Variants in GPC5 observed in about 807,000 individuals in gnomAD.
GPC5 encodes glypican-5.
GPC5 carries 47 observed loss-of-function variants against 53.9 expected under a neutral mutation model. That is an observed-to-expected ratio of 0.87 (90% CI 0.69 to 1.11). The LOEUF (loss-of-function observed/expected upper bound fraction) is 1.11. Ranked by LOEUF, GPC5 falls within the 50% of genes most tolerant of loss-of-function variation. GPC5 has a pLI of 0.00. For missense variants in GPC5, 748 were observed against 713.1 expected (o/e 1.05, Z -0.56); for synonymous variants, 286 against 263.3 (o/e 1.09, Z -0.84).
At chr13:91,508,980 T>C (rs1446482030) in intron 2 of GPC5, among the ~76,000 whole-genome samples, 1 of 152,136 alleles carries the variant, frequency 6.6e-6, no homozygotes, top group African/African-American at 2.4e-5. Flanking sequence ...TCCCATACTA[T>C]AATCCATAAG....
intron 7 of GPC5, among the ~76,000 whole-genome samples, chr13:92,243,680 G>A (rs183461923): frequency 3.9e-5 from 5 of 129,376 alleles, no homozygotes; most frequent in Non-Finnish European, 5.0e-5. Flanking sequence ...ATATTTTATA[G>A]AAATATTTTC....
Position 92,163,228 on chromosome 13 carries a change from G to A in GPC5, c.1561+18239G>A, listed in dbSNP as rs187648061. Among the ~76,000 whole-genome samples, 44 of 152,164 alleles carry A rather than the reference G, an allele frequency of 2.9e-4. No homozygotes were observed. The East Asian group carries it at 6.2e-3, about 21-fold the overall frequency. On this transcript the variant is annotated intron_variant, in intron 7 of 7. Coordinates refer to ENST00000377067, the MANE Select transcript of GPC5 (RefSeq NM_004466.6). The stretch of plus-strand genomic sequence containing the variant: ...TGTAATCCCAGCACTTGAGGAGTCC[G>A]AGGTGGGCGGATCACCTGAGGTCAG...
intron 5 of GPC5, among the ~76,000 whole-genome samples, chr13:91,819,000 AAAC>A (rs2038445217): frequency 6.6e-6 from 1 of 152,094 alleles, no homozygotes; most frequent in African/African-American, 2.4e-5. Context: ...AACATCATGT[AAAC>A]AACATCAAGT....
At chr13:91,463,126 T>C (rs1169104788) in intron 2 of GPC5, among the ~76,000 whole-genome samples, 14 of 152,046 alleles carry the variant, frequency 9.2e-5, no homozygotes. Flanking sequence ...AGGCCCCCCA[T>C]ATAAAATGGC....
chr13:92,436,158 C>G (rs1252580817), intron 7 of GPC5, among the ~76,000 whole-genome samples: 1 of 152,052 alleles, frequency 6.6e-6, no homozygotes, highest in Non-Finnish European at 1.5e-5. Context: ...AAAAATGGCA[C>G]AGATTTTAGT....
chr13:91,503,669 T>C (rs1015742954), intron 2 of GPC5, among the ~76,000 whole-genome samples: 67 of 151,200 alleles, frequency 4.4e-4, no homozygotes, highest in African/African-American at 1.6e-3. Context: ...AATCCCTGCT[T>C]CTTCGTAGGC....
chr13:92,287,129 T>A (rs9584008), intron 7 of GPC5, among the ~76,000 whole-genome samples: 11,309 of 152,262 alleles, frequency 0.074, 553 homozygotes, highest in African/African-American at 0.13. Flanking sequence ...TGGAGACTCA[T>A]TAACTGTTTA....
chr13:91,880,532 G>T (rs2039252729), intron 5 of GPC5, among the ~76,000 whole-genome samples: 1 of 151,678 alleles, frequency 6.6e-6, no homozygotes, highest in Admixed American at 6.6e-5. Flanking sequence ...TTTTTATTTT[G>T]ATTTGTAAAG....
chr13:92,335,443 G>T (rs2043315543), intron 7 of GPC5, among the ~76,000 whole-genome samples: 1 of 152,126 alleles, frequency 6.6e-6, no homozygotes, highest in African/African-American at 2.4e-5. Flanking sequence ...GGTGGAAGGG[G>T]CTTCCGTGAA....
chr13:92,125,998 C>T (rs112319522), intron 6 of GPC5, among the ~76,000 whole-genome samples: 61 of 111,546 alleles, frequency 5.5e-4, no homozygotes, highest in African/African-American at 1.8e-3. Flanking sequence ...TTTGTTGCCC[C>T]GGCTGGAGTG....
rs142945313 is a variant in GPC5 at position 92,747,457 on chromosome 13, A to G, written c.1562-118825A>G. Among the ~76,000 whole-genome samples, 9 of 152,294 alleles carry G rather than the reference A, an allele frequency of 5.9e-5. No homozygotes were observed. In the East Asian group the frequency reaches 1.7e-3, roughly 29 times the overall value. The stretch of plus-strand genomic sequence containing the variant: ...ATCTTGTAGAAAGAGAAGTCATTTT[A>G]TGTTTTAAGGAGAGAGCATGAGTGA... On this transcript the variant is annotated intron_variant, in intron 7 of 7. Transcript: ENST00000377067.
chr13:92,328,599 G>A (rs569613774), intron 7 of GPC5, among the ~76,000 whole-genome samples: 1 of 152,250 alleles, frequency 6.6e-6, no homozygotes, highest in African/African-American at 2.4e-5. Flanking sequence ...CAAGGTACCA[G>A]AGATGGTGCT....
chr13:92,296,900 C>T (rs548764394), intron 7 of GPC5, among the ~76,000 whole-genome samples: 141 of 152,354 alleles, frequency 9.3e-4, no homozygotes, highest in African/African-American at 3.1e-3. Flanking sequence ...GCTGCCTTCC[C>T]GCAGGGCAGG....
rs374474159 is a variant in GPC5 at position 92,153,639 on chromosome 13, C to T, written c.1561+8650C>T. Among the ~76,000 whole-genome samples, 8 of 152,276 alleles carry T rather than the reference C, an allele frequency of 5.3e-5. No individual in the cohort carries two copies. The East Asian group carries it at 1.4e-3, about 26-fold the overall frequency. Reference sequence around the variant, plus strand: ...GCAGGATATCTTAGAAGTAGCAGGGCAGTGCCACAAAACAAAAGATTATGT... The same window carrying T: ...GCAGGATATCTTAGAAGTAGCAGGGTAGTGCCACAAAACAAAAGATTATGT... On this transcript the variant is annotated intron_variant, in intron 7 of 7. Coordinates refer to ENST00000377067, the MANE Select transcript of GPC5 (RefSeq NM_004466.6).
chr13:92,293,982 G>A (rs2043016244), intron 7 of GPC5, among the ~76,000 whole-genome samples: 1 of 152,024 alleles, frequency 6.6e-6, no homozygotes, highest in Admixed American at 6.6e-5. Context: ...CTGTTTATGT[G>A]GTATATCACA....
intron 6 of GPC5, among the ~76,000 whole-genome samples, chr13:92,101,537 G>A (rs2041467220): frequency 6.6e-6 from 1 of 152,110 alleles, no homozygotes; most frequent in South Asian, 2.1e-4. Context: ...ATTTAATTAG[G>A]ATGCAAACAA....
At chr13:91,547,995 C>T (rs2030395641) in intron 2 of GPC5, among the ~76,000 whole-genome samples, 1 of 152,074 alleles carries the variant, frequency 6.6e-6, no homozygotes. Flanking sequence ...CTCTAAAAAA[C>T]CTACAGCTAA....
At chr13:91,957,197 A>G (rs1303876990) in intron 6 of GPC5, among the ~76,000 whole-genome samples, 1 of 152,128 alleles carries the variant, frequency 6.6e-6, no homozygotes, top group Non-Finnish European at 1.5e-5. Flanking sequence ...TACATTTGAA[A>G]CTTTCAACAA....
intron 7 of GPC5, among the ~76,000 whole-genome samples, chr13:92,612,708 C>A (rs1165477122): frequency 6.6e-6 from 1 of 152,024 alleles, no homozygotes; most frequent in Non-Finnish European, 1.5e-5. Context: ...ATTCTCCCAA[C>A]AGAATTCACC....
Sources: gnomAD v4.1 joint callset for allele counts (sites outside exome capture counted in the v4.1 genomes callset) on GRCh38, gnomAD v4.1.1 for gene constraint, MANE v1.5 for transcripts, NCBI Gene and HGNC (gene_info 2026-07-23, HGNC 2026-07-21) for gene names.